RPA3: variants seen among roughly 807,000 people sequenced by gnomAD.
The protein encoded by RPA3 is replication protein A 14 kDa subunit.
Under a neutral mutation model 13.7 loss-of-function variants are expected in RPA3, and 24 were observed. That is an observed-to-expected ratio of 1.75 (90% confidence interval 1.27 to 2.46). The LOEUF (loss-of-function observed/expected upper bound fraction) is 2.46, where lower values mean the gene tolerates loss of function less well. RPA3 is among the 30% of genes most tolerant of loss of function. RPA3 has a pLI of 0.00. For synonymous variants in RPA3, 59 were observed against 51.2 expected (o/e 1.15, Z -0.65); for missense variants, 183 against 151.0 (o/e 1.21, Z -1.11).
chr7:7,669,773 T>G (rs1176854183), intron 4 of RPA3, among the ~76,000 whole-genome samples: 1 of 152,214 alleles, frequency 6.6e-6, no homozygotes, highest in Non-Finnish European at 1.5e-5. Context: ...GATGCCTTTG[T>G]AATAATTTCG....
At chr7:7,669,416 C>T (rs1448970154) in intron 4 of RPA3, among the ~76,000 whole-genome samples, 2 of 152,084 alleles carry the variant, frequency 1.3e-5, no homozygotes, top group African/African-American at 4.8e-5. Context: ...TTTGCCAGTC[C>T]TTTTCTCCAC....
At chr7:7,684,077 T>C (rs1022233586) in intron 4 of RPA3, among the ~76,000 whole-genome samples, 2 of 152,220 alleles carry the variant, frequency 1.3e-5, no homozygotes, top group Non-Finnish European at 2.9e-5. Flanking sequence ...TCCTCCCATA[T>C]ACTTTAAATC....
chr7:7,636,835 GAGA>G lies in RPA3; in HGVS notation c.*162_*164del. On this transcript the variant is annotated 3_prime_UTR_variant, in exon 8 of 8. Coordinates refer to ENST00000223129, the MANE Select transcript of RPA3 (RefSeq NM_002947.5). ...CAATTCTTTATAAAAGGACTTCGGTGAGAACTGTCAATATATCAGTTCCATCAA... is the reference window on the plus strand; with the variant it reads ...CAATTCTTTATAAAAGGACTTCGGTGACTGTCAATATATCAGTTCCATCAA... 1 of 591,028 alleles carries G rather than the reference GAGA, an allele frequency of 1.7e-6. No homozygotes were observed. Among genetic ancestry groups the G allele is most frequent in the Non-Finnish European group, 3.0e-6 (1 of 334,408 alleles). 36.6% of individuals were successfully genotyped at this position (591,028 alleles called of 1,614,324 possible). A position where few individuals can be genotyped will look rare whatever the true frequency, so the allele number is the denominator to read the frequency against.
At chr7:7,707,509 A>C (rs1041587657) in intron 2 of RPA3, among the ~76,000 whole-genome samples, 5 of 152,198 alleles carry the variant, frequency 3.3e-5, no homozygotes, top group African/African-American at 1.2e-4. Flanking sequence ...AAATTGCTTC[A>C]GTGTGATTTT....
At position 7,708,132 on chromosome 7, in the gene RPA3, TCTG is replaced by T. The variant is rs147612669; in HGVS notation, c.-1028+7040_-1028+7042del. 5.2e-3 allele frequency among the ~76,000 whole-genome samples: 795 copies of T among 152,326 alleles called. 10 individuals are homozygous for T. Among genetic ancestry groups the T allele is most frequent in the African/African-American group, 0.018 (758 of 41,578 alleles). On this transcript the variant is annotated intron_variant, in intron 2 of 7. Coordinates refer to ENST00000223129, the MANE Select transcript of RPA3 (RefSeq NM_002947.5). ...ACCTTATTCAAATTTGGATCATGGT[TCTG>T]CTGCGACATCCACGCCATTATCATC...
At chr7:7,645,632 G>T (rs1016927978) in intron 4 of RPA3, among the ~76,000 whole-genome samples, 1 of 152,128 alleles carries the variant, frequency 6.6e-6, no homozygotes, top group African/African-American at 2.4e-5. Context: ...TTCCTAGTTT[G>T]ATAAGCATTT....
chr7:7,710,129 C>G (rs1226030750), intron 2 of RPA3, among the ~76,000 whole-genome samples: 2 of 152,058 alleles, frequency 1.3e-5, no homozygotes, highest in Non-Finnish European at 2.9e-5. Flanking sequence ...ATCTTTAGTT[C>G]TTTCATTTTT....
chr7:7,670,089 A>G (rs1381475505), intron 4 of RPA3, among the ~76,000 whole-genome samples: 1 of 152,210 alleles, frequency 6.6e-6, no homozygotes, highest in Non-Finnish European at 1.5e-5. Context: ...TCACTTAATT[A>G]CTTGTTATAA....
chr7:7,707,886 A>G (rs1428340896), intron 2 of RPA3, among the ~76,000 whole-genome samples: 1 of 152,180 alleles, frequency 6.6e-6, no homozygotes, highest in Non-Finnish European at 1.5e-5. Context: ...AAACCCAAAC[A>G]TTGAGGCTGC....
chr7:7,704,017 C>A (rs983688991), intron 2 of RPA3, among the ~76,000 whole-genome samples: 1 of 152,048 alleles, frequency 6.6e-6, no homozygotes, highest in Non-Finnish European at 1.5e-5. Context: ...CATAGACATA[C>A]CTTAGAGCAA....
chr7:7,669,847 T>C (rs1300564640), intron 4 of RPA3, among the ~76,000 whole-genome samples: 3 of 152,208 alleles, frequency 2.0e-5, no homozygotes, highest in Non-Finnish European at 4.4e-5. Flanking sequence ...CTATAGTCTC[T>C]GCCTCCTTTG....
At position 7,667,291 on chromosome 7, in the gene RPA3, A is replaced by G. The variant is rs145225756; in HGVS notation, c.-758+18539T>C. Among the ~76,000 whole-genome samples, 895 of 152,318 alleles carry G rather than the reference A, an allele frequency of 5.9e-3. 4 individuals carry two copies. The highest frequency in any genetic ancestry group is 0.014 in the Middle Eastern group (4 of 294). On this transcript the variant is annotated intron_variant, in intron 4 of 7. Transcript: ENST00000223129. ...AATGTAAAATTTGCTCATTGTAGAC[A>G]ATTGAAAAAAATACTGAAAACTACA... is the stretch of plus-strand genomic sequence containing the variant.
chr7:7,685,094 A>C (rs1563120772), intron 4 of RPA3, among the ~76,000 whole-genome samples: 1 of 152,224 alleles, frequency 6.6e-6, no homozygotes, highest in Admixed American at 6.5e-5. Flanking sequence ...ATAGATAATG[A>C]GGATGAGACT....
At chr7:7,713,118 C>G (rs1373976150) in intron 2 of RPA3, among the ~76,000 whole-genome samples, 2 of 151,890 alleles carry the variant, frequency 1.3e-5, no homozygotes, top group Non-Finnish European at 2.9e-5. Flanking sequence ...GCAGGCAGAT[C>G]ACAAGGTCAG....
At chr7:7,672,211 T>A (rs1779623763) in intron 4 of RPA3, among the ~76,000 whole-genome samples, 1 of 152,198 alleles carries the variant, frequency 6.6e-6, no homozygotes, top group African/African-American at 2.4e-5. Flanking sequence ...TCTCTTTTAT[T>A]TTTTTGGCTT....
At chr7:7,665,443 A>G (rs755721165) in intron 4 of RPA3, among the ~76,000 whole-genome samples, 30 of 152,236 alleles carry the variant, frequency 2.0e-4, no homozygotes, top group Non-Finnish European at 4.0e-4. Flanking sequence ...AAAGTGGGTT[A>G]AGAGATTTGA....
intron 4 of RPA3, among the ~76,000 whole-genome samples, chr7:7,671,256 T>A (rs532848754): frequency 6.6e-6 from 1 of 152,336 alleles, no homozygotes; most frequent in South Asian, 2.1e-4. Flanking sequence ...ATTCTTAGAT[T>A]TCCTGTATTT....
intron 3 of RPA3, 143 bp downstream of exon 3, chr7:7,687,085 C>T (rs561274562): frequency 6.6e-6 from 1 of 152,304 alleles, no homozygotes; most frequent in Non-Finnish European, 1.5e-5. Context: ...AAGTTCTGTT[C>T]TGTTTGAGCA....
chr7:7,648,884 C>T (rs909479818), intron 4 of RPA3, among the ~76,000 whole-genome samples: 5 of 148,012 alleles, frequency 3.4e-5, no homozygotes, highest in African/African-American at 5.0e-5. Context: ...AAAGGCCGGG[C>T]GCGGTCGCTC....
Sources: gnomAD v4.1 joint callset for allele counts (sites outside exome capture counted in the v4.1 genomes callset) on GRCh38, gnomAD v4.1.1 for gene constraint, MANE v1.5 for transcripts, NCBI Gene and HGNC (gene_info 2026-07-23, HGNC 2026-07-21) for gene names.